LMNA: variants seen among roughly 807,000 people sequenced by gnomAD.
LMNA encodes lamin A/C, also known as lamin.
LMNA carries 20 observed loss-of-function variants against 70.4 expected under a neutral mutation model. The observed-to-expected ratio is 0.28, with a 90% CI of 0.20 to 0.41. The LOEUF (loss-of-function observed/expected upper bound fraction) is 0.41. Among genes scored for constraint, LMNA ranks in the 10% least tolerant of loss-of-function variants. The pLI is 1.00. For missense variants in LMNA, 652 were observed against 917.2 expected, an observed-to-expected ratio of 0.71 and a Z score of 3.73; for synonymous variants, 339 against 372.8, an observed-to-expected ratio of 0.91 and a Z score of 1.04.
In LMNA at chr1:156,124,820, C is replaced by T. The variant is rs116273944; in HGVS notation, c.357-5797C>T. The stretch of plus-strand genomic sequence containing the variant: ...TATATTTGAGGGTGGGTGGGAGTGG[C>T]ACTTTCACTAGGCCTCCGTATCACT... On this transcript the variant is annotated intron_variant, in intron 1 of 11. Coordinates refer to ENST00000368300, the MANE Select transcript of LMNA (RefSeq NM_170707.4). Among the ~76,000 whole-genome samples, 469 of 152,248 alleles carry T rather than the reference C, an allele frequency of 3.1e-3. 4 individuals are homozygous for T. Among genetic ancestry groups the T allele is most frequent in the African/African-American group, 0.011 (455 of 41,528 alleles).
chr1:156,108,349 A>T (rs1402606786), intron 3 of LMNA, among the ~76,000 whole-genome samples: 1 of 152,164 alleles, frequency 6.6e-6, no homozygotes, highest in African/African-American at 2.4e-5. Context: ...CATGTCCCAG[A>T]ATCTGTACAT....
At chr1:156,121,081 G>A (rs897960213) in intron 1 of LMNA, among the ~76,000 whole-genome samples, 2 of 115,968 alleles carry the variant, frequency 1.7e-5, no homozygotes, top group African/African-American at 7.0e-5. Context: ...TGACAGTCTC[G>A]CTCCCTGGCC....
Position 156,138,584 on chromosome 1 carries a change from T to A in LMNA, c.1795T>A (p.Ser599Thr). 6.2e-7 allele frequency: 1 copy of A among 1,612,894 alleles called. No individual in the cohort carries two copies. The highest frequency in any genetic ancestry group is 8.5e-7 in the Non-Finnish European group (1 of 1,179,860). Reference sequence around the variant, plus strand: ...CTGCGGGCAGCCTGCCGACAAGGCATCTGCCAGCGGCTCAGGAGCCCAGGT... The same window carrying A: ...CTGCGGGCAGCCTGCCGACAAGGCAACTGCCAGCGGCTCAGGAGCCCAGGT... ...GTCGQPADKASASGSGAQVGG... is the reference protein window; with the variant it reads ...GTCGQPADKATASGSGAQVGG... Residue 599 changes from serine (S) to threonine (T), a missense_variant, in exon 11 of 12, where the codon TCT (serine) becomes ACT (threonine). Ser to Thr is a moderately conservative substitution (Grantham distance 58). Coordinates refer to ENST00000368300, the MANE Select transcript of LMNA (RefSeq NM_170707.4). The surrounding 1 kb of genome is among the most constrained non-coding windows in gnomAD (Gnocchi z 5.5).
Position 156,135,447 on chromosome 1 carries a change from C to A in LMNA, c.936+135C>A. 1 of 1,167,770 alleles carries A rather than the reference C, an allele frequency of 8.6e-7. No individual in the cohort carries two copies. The allele number at this position is 1,167,770 out of a possible 1,614,324, so 72.3% of individuals were successfully genotyped here. A position where few individuals can be genotyped will look rare whatever the true frequency, so the allele number is the denominator to read the frequency against. On this transcript the variant is annotated intron_variant, in intron 5 of 11. Coordinates refer to ENST00000368300, the MANE Select transcript of LMNA (RefSeq NM_170707.4). The surrounding 1 kb of genome is among the most constrained non-coding windows in gnomAD (Gnocchi z 4.8). ...GAGGGATGAAAAGTGTCCCCACAAC[C>A]ACAGAGAAGGGTCGCAGGATGTGGA...
intron 1 of LMNA, among the ~76,000 whole-genome samples, chr1:156,119,070 T>C (rs547333600): frequency 1.3e-5 from 2 of 151,966 alleles, no homozygotes; most frequent in African/African-American, 4.8e-5. Context: ...CTCAGCCTCC[T>C]GAGTAGCTGG....
At chr1:156,088,136 C>T (rs1648551128) in intron 2 of LMNA, among the ~76,000 whole-genome samples, 1 of 152,122 alleles carries the variant, frequency 6.6e-6, no homozygotes, top group East Asian at 1.9e-4. Flanking sequence ...TCCCAAAGTG[C>T]TGGGATTACA....
rs533961263 is a variant in LMNA at position 156,097,291 on chromosome 1, C to T, written c.-207+6709C>T. ...ATTCACCACAGGAAAGGGAAGGCTG[C>T]AGAGTGACCTGGTGCTGGGGACCGG... On this transcript the variant is annotated intron_variant, in intron 3 of 12. Coordinates refer to the LMNA transcript ENST00000368301. 3.3e-5 allele frequency among the ~76,000 whole-genome samples: 5 copies of T among 152,312 alleles called. No homozygotes were observed. In the East Asian group the frequency reaches 9.7e-4, roughly 29 times the overall value.
chr1:156,093,020 C>G (rs1648770039), intron 3 of LMNA, among the ~76,000 whole-genome samples: 1 of 151,690 alleles, frequency 6.6e-6, no homozygotes, highest in Admixed American at 6.6e-5. Context: ...TCCCAAGTAG[C>G]TAGGATTACA....
upstream of LMNA, among the ~76,000 whole-genome samples, chr1:156,113,480 G>A (rs1277999886): frequency 2.6e-5 from 4 of 152,148 alleles, no homozygotes; most frequent in Non-Finnish European, 5.9e-5. Flanking sequence ...GGACCTGAGT[G>A]ATCTCGTTTT....
Position 156,134,339 on chromosome 1 carries a change from C to T in LMNA, c.514-64C>T. ...GGTGCACAGGCAGCAGCCCACCTCT[C>T]AGCTTCCTTCCAGTTCTTGTGTTCT... On this transcript the variant is annotated intron_variant, in intron 2 of 11. Coordinates refer to ENST00000368300, the MANE Select transcript of LMNA (RefSeq NM_170707.4). This position sits in a 1 kb window ranked among gnomAD's most constrained non-coding sequence, Gnocchi z 5.3. The T allele has an allele frequency of 4.4e-6, 7 of 1,591,160 alleles. No individual in the cohort carries two copies. Among genetic ancestry groups the T allele is most frequent in the Non-Finnish European group, 6.0e-6 (7 of 1,165,696 alleles).
At chr1:156,123,936 C>T (rs1040825534) in intron 1 of LMNA, among the ~76,000 whole-genome samples, 1 of 152,222 alleles carries the variant, frequency 6.6e-6, no homozygotes, top group South Asian at 2.1e-4. Context: ...CTATCCCTCT[C>T]TCAGCACCAG....
upstream of LMNA, among the ~76,000 whole-genome samples, chr1:156,111,174 G>T (rs1288868211): frequency 2.0e-5 from 3 of 151,958 alleles, no homozygotes; most frequent in Non-Finnish European, 4.4e-5. Context: ...GCCTAGGCCT[G>T]GTGCAGTGGC....
In LMNA at chr1:156,139,509, T is replaced by C; in HGVS notation, c.*403T>C. ...CCACCCCGGGGACCCTGTGACATGGTGCCTGAGAGGCAGGCATAGAGGCTT... is the reference window on the plus strand; with the variant it reads ...CCACCCCGGGGACCCTGTGACATGGCGCCTGAGAGGCAGGCATAGAGGCTT... On this transcript the variant is annotated 3_prime_UTR_variant, in exon 12 of 12. Transcript: ENST00000368300. 1 of 1,337,558 alleles carries C rather than the reference T, an allele frequency of 7.5e-7. No individual in the cohort carries two copies. Among genetic ancestry groups the C allele is most frequent in the South Asian group, 1.6e-5 (1 of 61,044 alleles). The allele number at this position is 1,337,558 out of a possible 1,614,324, so 82.9% of individuals were successfully genotyped here.
chr1:156,123,775 C>T (rs1487466326), intron 1 of LMNA, among the ~76,000 whole-genome samples: 1 of 152,196 alleles, frequency 6.6e-6, no homozygotes, highest in Non-Finnish European at 1.5e-5. Context: ...GCCCATTGTC[C>T]AGGACCCCAG....
chr1:156,134,767 T>C lies in LMNA; in HGVS notation c.640-38T>C. On this transcript the variant is annotated intron_variant, in intron 3 of 11. Coordinates refer to ENST00000368300, the MANE Select transcript of LMNA (RefSeq NM_170707.4). This position sits in a 1 kb window ranked among gnomAD's most constrained non-coding sequence, Gnocchi z 5.3. ...GTCTTGGCCTCCCAGGAACTAATTCTGATTTTGGTTTCTGTGTCCTTCCTC... is the reference window on the plus strand; with the variant it reads ...GTCTTGGCCTCCCAGGAACTAATTCCGATTTTGGTTTCTGTGTCCTTCCTC... 1.9e-6 allele frequency: 3 copies of C among 1,613,942 alleles called. No individual in the cohort carries two copies. The highest frequency in any genetic ancestry group is 1.7e-5 in the Admixed American group (1 of 60,022).
Position 156,137,882 on chromosome 1 carries a change from T to C in LMNA, c.1698+139T>C. On this transcript the variant is annotated intron_variant, in intron 10 of 11. Coordinates refer to ENST00000368300, the MANE Select transcript of LMNA (RefSeq NM_170707.4). This position sits in a 1 kb window ranked among gnomAD's most constrained non-coding sequence, Gnocchi z 4.6. Reference sequence around the variant, plus strand: ...TGGAACTTTACTCGCTGGCCTGGCCTTTCTTCTCTCTCCTCCCTATACCTT... The same window carrying C: ...TGGAACTTTACTCGCTGGCCTGGCCCTTCTTCTCTCTCCTCCCTATACCTT... The C allele has an allele frequency of 1.3e-6, 2 of 1,510,460 alleles. No individual in the cohort carries two copies. The highest frequency in any genetic ancestry group is 2.5e-5 in the South Asian group (2 of 79,968). 93.6% of individuals were successfully genotyped at this position (1,510,460 alleles called of 1,614,324 possible).
chr1:156,133,462 T>G (rs1369501790), intron 2 of LMNA, among the ~76,000 whole-genome samples: 1 of 151,712 alleles, frequency 6.6e-6, no homozygotes, highest in East Asian at 1.9e-4. Flanking sequence ...TCCCAGCTAC[T>G]CGGGAGACTG....
Position 156,137,271 on chromosome 1 carries a change from TC to T in LMNA, c.1608+44del. The T allele has an allele frequency of 2.6e-6, 4 of 1,542,714 alleles. No homozygotes were observed. In the South Asian group the frequency reaches 3.5e-5, roughly 14 times the overall value. On this transcript the variant is annotated intron_variant, in intron 9 of 11. Coordinates refer to ENST00000368300, the MANE Select transcript of LMNA (RefSeq NM_170707.4). This position sits in a 1 kb window ranked among gnomAD's most constrained non-coding sequence, Gnocchi z 4.6. The stretch of plus-strand genomic sequence containing the variant: ...GGCCTGGCTGCTTGCTGGACGAGGC[TC>T]CCCCTGATGGCCAACATCGGAGCCA...
rs1453161512 is a variant in LMNA at position 156,115,595 on chromosome 1, G to A, written c.356+321G>A. Among the ~76,000 whole-genome samples the A allele has an allele frequency of 6.6e-6, 1 of 152,224 alleles. No individual in the cohort carries two copies. The highest frequency in any genetic ancestry group is 1.5e-5 in the Non-Finnish European group (1 of 68,030). ...GATTTGCCAACTATTTGGAGCCGGG[G>A]GGAGGGGCTTGAGCAAAACAGAACT... On this transcript the variant is annotated intron_variant, in intron 1 of 11. Coordinates refer to ENST00000368300, the MANE Select transcript of LMNA (RefSeq NM_170707.4). This position sits in a 1 kb window ranked among gnomAD's most constrained non-coding sequence, Gnocchi z 5.8.
Sources: allele counts gnomAD v4.1 joint callset (sites outside exome capture counted in the v4.1 genomes callset), GRCh38; gene constraint gnomAD v4.1.1; non-coding constraint Gnocchi (gnomAD v3.1); transcripts MANE v1.5; gene names NCBI Gene and HGNC (gene_info 2026-07-23, HGNC 2026-07-21).